IL1RAPL1: variants seen among roughly 807,000 people sequenced by gnomAD.
The protein encoded by IL1RAPL1 is interleukin-1 receptor accessory protein-like 1.
Under a neutral mutation model 48.4 loss-of-function variants are expected in IL1RAPL1, and 3 were observed. That is an observed-to-expected ratio of 0.06 (90% CI 0.03 to 0.16). The LOEUF (loss-of-function observed/expected upper bound fraction) is 0.16, where lower values mean the gene tolerates loss of function less well. Among genes scored for constraint, IL1RAPL1 ranks in the 10% least tolerant of loss-of-function variants. The pLI is 1.00. For missense variants in IL1RAPL1, 349 were observed against 530.6 expected (o/e 0.66, Z 3.36); for synonymous variants, 185 against 187.7 (o/e 0.99, Z 0.12).
chrX:29,771,943 C>G (rs1439421537), intron 6 of IL1RAPL1, among the ~76,000 whole-genome samples: 2 of 111,150 alleles, frequency 1.8e-5, no homozygotes, highest in Non-Finnish European at 3.8e-5. Context: ...AGAGTATGTG[C>G]AGGGGAACTC....
chrX:29,786,869 A>G (rs151187009), intron 6 of IL1RAPL1, among the ~76,000 whole-genome samples: 4,626 of 111,244 alleles, frequency 0.042, 225 homozygotes, highest in African/African-American at 0.14. Context: ...GAGGAGATCC[A>G]TGGGTCTTGC....
At chrX:29,214,259 C>A (rs1434328336) in intron 2 of IL1RAPL1, among the ~76,000 whole-genome samples, 2 of 111,037 alleles carry the variant, frequency 1.8e-5, no homozygotes, top group African/African-American at 6.5e-5. Context: ...CTTGTTATTC[C>A]ATTATTTTAA....
intron 2 of IL1RAPL1, among the ~76,000 whole-genome samples, chrX:29,067,132 T>A (rs1471890970): frequency 8.9e-6 from 1 of 111,734 alleles, no homozygotes; most frequent in Non-Finnish European, 1.9e-5. Context: ...CAGTAATTAT[T>A]GTTGTTTCCT....
At chrX:29,861,340 A>G (rs1316639826) in intron 6 of IL1RAPL1, among the ~76,000 whole-genome samples, 2 of 111,533 alleles carry the variant, frequency 1.8e-5, no homozygotes, top group Non-Finnish European at 3.8e-5. Context: ...ATGCAATCCA[A>G]ATCTCTAAGG....
At chrX:29,637,972 T>C (rs188999051) in intron 5 of IL1RAPL1, among the ~76,000 whole-genome samples, 1 of 112,350 alleles carries the variant, frequency 8.9e-6, no homozygotes, top group African/African-American at 3.2e-5. Flanking sequence ...TATGTTTCTA[T>C]TGACATACTT....
intron 5 of IL1RAPL1, among the ~76,000 whole-genome samples, chrX:29,469,410 A>G (rs893045366): frequency 2.7e-5 from 3 of 112,062 alleles, no homozygotes; most frequent in Admixed American, 9.5e-5. Flanking sequence ...CTATGTACAT[A>G]TATATTGTAG....
chrX:29,239,954 C>T (rs1214277651), intron 2 of IL1RAPL1, among the ~76,000 whole-genome samples: 1 of 108,105 alleles, frequency 9.3e-6, no homozygotes, highest in Admixed American at 1.0e-4. Flanking sequence ...CTCTCTGACT[C>T]TTCTGCTTCC....
In IL1RAPL1 at chrX:29,757,177, G is replaced by A. The variant is rs775212193; in HGVS notation, c.778+88673G>A. Among the ~76,000 whole-genome samples, 6 of 112,050 alleles carry A rather than the reference G, an allele frequency of 5.4e-5. No homozygotes were observed. The East Asian group carries it at 1.7e-3, about 31-fold the overall frequency. On this transcript the variant is annotated intron_variant, in intron 6 of 10. Coordinates refer to ENST00000378993, the MANE Select transcript of IL1RAPL1 (RefSeq NM_014271.4). The stretch of plus-strand genomic sequence containing the variant: ...TGCAGGCCCAGAAAACTAACAGATA[G>A]CCAAAATAAATTAATTAATATTTTT...
intron 3 of IL1RAPL1, among the ~76,000 whole-genome samples, chrX:29,376,453 C>T (rs1933624679): frequency 1.8e-5 from 2 of 109,684 alleles, no homozygotes; most frequent in African/African-American, 6.6e-5. Context: ...TCACTGCAGC[C>T]TCAATCTCCC....
intron 5 of IL1RAPL1, among the ~76,000 whole-genome samples, chrX:29,629,132 T>C (rs1451839173): frequency 1.8e-5 from 2 of 112,024 alleles, no homozygotes; most frequent in Non-Finnish European, 3.8e-5. Context: ...ATAGTTTTAG[T>C]AAAGGAAATG....
intron 6 of IL1RAPL1, among the ~76,000 whole-genome samples, chrX:29,828,779 G>A (rs923685671): frequency 1.8e-5 from 2 of 111,224 alleles, no homozygotes; most frequent in African/African-American, 6.5e-5. Flanking sequence ...TGTACCATAT[G>A]GACTTTTGGT....
chrX:28,893,157 G>T (rs1372465599), intron 2 of IL1RAPL1, among the ~76,000 whole-genome samples: 1 of 111,229 alleles, frequency 9.0e-6, no homozygotes, highest in Non-Finnish European at 1.9e-5. Context: ...AGTTGGTCTG[G>T]TGTCTGGAAT....
At chrX:28,615,816 G>A (rs764153124) in intron 1 of IL1RAPL1, among the ~76,000 whole-genome samples, 6 of 112,158 alleles carry the variant, frequency 5.3e-5, no homozygotes, top group Non-Finnish European at 9.4e-5. Context: ...TTAATGAAAG[G>A]AAGAATGGAG....
rs139910803 is a variant in IL1RAPL1, at chrX:29,861,640, C to T, written c.779-55824C>T. Reference sequence around the variant, plus strand: ...GGTGCATCAAAATCTCACAACTCACCGCTAAAGAACTTCCTCATGTAACCA... The same window carrying T: ...GGTGCATCAAAATCTCACAACTCACTGCTAAAGAACTTCCTCATGTAACCA... On this transcript the variant is annotated intron_variant, in intron 6 of 10. Transcript: ENST00000378993. 9.1e-3 allele frequency among the ~76,000 whole-genome samples: 1,005 copies of T among 110,631 alleles called. 13 individuals carry two copies. The highest frequency in any genetic ancestry group is 0.031 in the African/African-American group (955 of 30,402).
chrX:28,695,321 CT>C (rs1277049446), intron 1 of IL1RAPL1, among the ~76,000 whole-genome samples: 1 of 110,810 alleles, frequency 9.0e-6, no homozygotes, highest in African/African-American at 3.3e-5. Flanking sequence ...GTTGCCTCCC[CT>C]GGCCACATAC....
intron 2 of IL1RAPL1, among the ~76,000 whole-genome samples, chrX:29,131,973 C>T (rs1929032007): frequency 9.0e-6 from 1 of 111,425 alleles, no homozygotes; most frequent in African/African-American, 3.3e-5. Context: ...TCACAGATCT[C>T]TCAAAATGGA....
At chrX:29,456,617 G>A (rs1362062906) in intron 5 of IL1RAPL1, among the ~76,000 whole-genome samples, 1 of 110,989 alleles carries the variant, frequency 9.0e-6, no homozygotes, top group African/African-American at 3.3e-5. Flanking sequence ...AGCCAAAAGC[G>A]TGATTCTCAT....
chrX:28,943,953 A>G (rs1313079444), intron 2 of IL1RAPL1, among the ~76,000 whole-genome samples: 1 of 111,139 alleles, frequency 9.0e-6, no homozygotes, highest in Non-Finnish European at 1.9e-5. Context: ...CTGCATTTGG[A>G]CAAGTCAGCT....
chrX:29,807,981 A>G (rs1417217687), intron 6 of IL1RAPL1, among the ~76,000 whole-genome samples: 2 of 112,042 alleles, frequency 1.8e-5, no homozygotes, highest in Non-Finnish European at 3.8e-5. Context: ...TAATTTTGTC[A>G]AAAATATTAG....
Sources: gnomAD v4.1 joint callset for allele counts (sites outside exome capture counted in the v4.1 genomes callset) on GRCh38, gnomAD v4.1.1 for gene constraint, MANE v1.5 for transcripts, NCBI Gene and HGNC (gene_info 2026-07-23, HGNC 2026-07-21) for gene names.